The following CLSTN1 variants were observed in gnomAD, a reference collection of about 807,000 sequenced individuals.
The protein encoded by CLSTN1 is calsyntenin 1.
In CLSTN1, 28 loss-of-function variants were observed where a neutral mutation model predicts 108.3. That is an observed-to-expected ratio of 0.26 (90% confidence interval 0.19 to 0.35). CLSTN1 has a LOEUF of 0.35. CLSTN1 is among the 10% of genes least tolerant of loss of function. CLSTN1 has a pLI of 1.00. For missense variants in CLSTN1, 1,157 were observed against 1,302.6 expected (o/e 0.89, Z 1.72); for synonymous variants, 524 against 534.9 (o/e 0.98, Z 0.28).
chr1:9,790,216 G>T (rs920508109), intron 1 of CLSTN1, among the ~76,000 whole-genome samples: 4 of 151,298 alleles, frequency 2.6e-5, no homozygotes, highest in African/African-American at 9.7e-5. Flanking sequence ...GTAATGCTTA[G>T]GGGTTTCCAC....
At chr1:9,746,669 G>C (rs1651281884) in intron 7 of CLSTN1, among the ~76,000 whole-genome samples, 1 of 151,732 alleles carries the variant, frequency 6.6e-6, no homozygotes, top group African/African-American at 2.4e-5. Flanking sequence ...AGCCAAGATA[G>C]CACGATTGCA....
At position 9,796,272 on chromosome 1, in the gene CLSTN1, AAAAAACAAAAAACAAAAC is replaced by A. The variant is rs1400068563; in HGVS notation, c.92-22896_92-22879del. Among the ~76,000 whole-genome samples the A allele has an allele frequency of 2.3e-3, 334 of 143,380 alleles. 2 individuals carry two copies. Among genetic ancestry groups the A allele is most frequent in the African/African-American group, 9.1e-3 (315 of 34,668 alleles). 94.1% of individuals were successfully genotyped at this position (143,380 alleles called of 152,430 possible). A position where few individuals can be genotyped will look rare whatever the true frequency, so the allele number is the denominator to read the frequency against. ...GCAAGACTGTCTCCAAAAACAAAAA[AAAAAACAAAAAACAAAAC>A]AAAACAAAAAAAAAAAAACAGGCAT... On this transcript the variant is annotated intron_variant, in intron 1 of 18. Coordinates refer to ENST00000377298, the MANE Select transcript of CLSTN1 (RefSeq NM_001009566.3).
chr1:9,778,223 A>ACACAC (rs1653049519), intron 1 of CLSTN1, among the ~76,000 whole-genome samples: 5 of 134,430 alleles, frequency 3.7e-5, no homozygotes, highest in South Asian at 2.5e-4. Flanking sequence ...TCTCCTCCCC[A>ACACAC]ACACACACAC....
At chr1:9,744,835 C>T (rs1038822197) in intron 7 of CLSTN1, among the ~76,000 whole-genome samples, 192 bp from the exon 8 acceptor site, 15 of 151,580 alleles carry the variant, frequency 9.9e-5, no homozygotes, top group African/African-American at 3.1e-4. Context: ...TTCATTGCAA[C>T]CTCCACCTCC....
chr1:9,783,490 C>CGGGTG (rs1244592120), intron 1 of CLSTN1, among the ~76,000 whole-genome samples: 1 of 151,748 alleles, frequency 6.6e-6, no homozygotes, highest in Non-Finnish European at 1.5e-5. Flanking sequence ...GAGGCCAAGG[C>CGGGTG]GGGTGGATCA....
intron 9 of CLSTN1, 96 bp from the exon 10 acceptor site, chr1:9,741,352 T>A: frequency 8.1e-7 from 1 of 1,228,236 alleles, no homozygotes; most frequent in Non-Finnish European, 1.1e-6. Flanking sequence ...AGGGTCTTCC[T>A]AGGAGGAAAA....
chr1:9,736,058 G>C lies in CLSTN1; in HGVS notation c.1577-16C>G. ...AGGTCGCCACCTTTGGGTCAGGGGAGAAAAGGCGAAGTCAGGCGTGCAACC... is the reference window on the plus strand; with the variant it reads ...AGGTCGCCACCTTTGGGTCAGGGGACAAAAGGCGAAGTCAGGCGTGCAACC... On this transcript the variant is annotated splice_polypyrimidine_tract_variant and intron_variant, in intron 11 of 18. Transcript: ENST00000377298. 4 of 1,614,096 alleles carry C rather than the reference G, an allele frequency of 2.5e-6. No individual in the cohort carries two copies. Among genetic ancestry groups the C allele is most frequent in the Non-Finnish European group, 3.4e-6 (4 of 1,180,032 alleles).
At chr1:9,791,837 A>T (rs1167069938) in intron 1 of CLSTN1, among the ~76,000 whole-genome samples, 1 of 151,128 alleles carries the variant, frequency 6.6e-6, no homozygotes, top group Non-Finnish European at 1.5e-5. Flanking sequence ...TGCGGCCCCA[A>T]ATCCTTTTTA....
chr1:9,745,830 G>A (rs1442274531), intron 7 of CLSTN1, among the ~76,000 whole-genome samples: 1 of 137,630 alleles, frequency 7.3e-6, no homozygotes, highest in Admixed American at 7.9e-5. Context: ...GTGCAGTGGT[G>A]CAGCGTTGGT....
chr1:9,786,668 A>AAAG (rs928198977), intron 1 of CLSTN1, among the ~76,000 whole-genome samples: 4 of 150,132 alleles, frequency 2.7e-5, no homozygotes, highest in Non-Finnish European at 5.9e-5. Context: ...AAAAAAAAAA[A>AAAG]AAAAACAAAG....
At chr1:9,761,478 G>C (rs923468658) in intron 2 of CLSTN1, among the ~76,000 whole-genome samples, 1 of 151,988 alleles carries the variant, frequency 6.6e-6, no homozygotes, top group East Asian at 1.9e-4. Flanking sequence ...CTGTACTCTG[G>C]GCGACGGAGT....
At position 9,743,984 on chromosome 1, in the gene CLSTN1, G is replaced by T. The variant is rs1651119932; in HGVS notation, c.1256C>A (p.Ser419Tyr). 2 of 1,614,174 alleles carry T rather than the reference G, an allele frequency of 1.2e-6. No homozygotes were observed. The highest frequency in any genetic ancestry group is 1.7e-6 in the Non-Finnish European group (2 of 1,180,012). The change falls in exon 9 of 19, where the codon TCC becomes TAC. Residue 419 changes from serine to tyrosine, a missense_variant. Transcript: ENST00000377298. ...DKTDMNRHHYSLYVHGCRLIF... is the reference protein window; with the variant it reads ...DKTDMNRHHYYLYVHGCRLIF... ...CAGCCGGCACCCGTGGACATAGAGG[G>T]AGTAGTGGTGCCGATTCATATCTGC...
At chr1:9,765,645 T>C (rs1417481264) in intron 2 of CLSTN1, among the ~76,000 whole-genome samples, 1 of 151,764 alleles carries the variant, frequency 6.6e-6, no homozygotes, top group Non-Finnish European at 1.5e-5. Context: ...TCTGGGAGAC[T>C]GAGGCAGGTG....
Position 9,823,678 on chromosome 1 carries a change from C to A in CLSTN1, c.56G>T (p.Gly19Val). 6 of 1,172,372 alleles carry A rather than the reference C, an allele frequency of 5.1e-6. No homozygotes were observed. Among genetic ancestry groups the A allele is most frequent in the Non-Finnish European group, 6.3e-6 (6 of 948,846 alleles). 72.6% of individuals were successfully genotyped at this position (1,172,372 alleles called of 1,614,324 possible). A position where few individuals can be genotyped will look rare whatever the true frequency, so the allele number is the denominator to read the frequency against. Residue 19 changes from glycine to valine, a missense_variant, in exon 1 of 19, where the codon GGG (glycine) becomes GTG (valine). Transcript: ENST00000377298. The surrounding 1 kb of genome is among the most constrained non-coding windows in gnomAD (Gnocchi z 6.3). ...LAPAARLLLA[G>V]LLCGGGVWAA... ...CCAGACCCCGCCGCCGCACAGCAGC[C>A]CGGCCAGCAGCAGCCGGGCGGCCGG...
intron 1 of CLSTN1, among the ~76,000 whole-genome samples, chr1:9,790,929 C>T (rs1429034711): frequency 6.6e-6 from 1 of 150,882 alleles, no homozygotes; most frequent in Non-Finnish European, 1.5e-5. Flanking sequence ...GTCAGGAGAT[C>T]GAGATCATCC....
intron 2 of CLSTN1, among the ~76,000 whole-genome samples, chr1:9,763,288 T>G (rs1652173378): frequency 6.6e-6 from 1 of 152,058 alleles, no homozygotes; most frequent in Admixed American, 6.6e-5. Context: ...TATGTAACAA[T>G]AACCACAGAC....
At chr1:9,753,711 G>C (rs1651671522) in intron 4 of CLSTN1, among the ~76,000 whole-genome samples, 2 of 152,008 alleles carry the variant, frequency 1.3e-5, no homozygotes, top group African/African-American at 4.8e-5. Context: ...GGCTGGTCAT[G>C]AACTCCTGAC....
intron 1 of CLSTN1, among the ~76,000 whole-genome samples, chr1:9,787,809 C>G (rs900188856): frequency 4.0e-5 from 6 of 151,372 alleles, no homozygotes; most frequent in African/African-American, 1.4e-4. Context: ...TACATTCACA[C>G]TGTCATCCAA....
chr1:9,816,716 G>A (rs574619212), intron 1 of CLSTN1, among the ~76,000 whole-genome samples: 1 of 151,944 alleles, frequency 6.6e-6, no homozygotes, highest in Non-Finnish European at 1.5e-5. Context: ...GTGTGATCTC[G>A]ACTCACTGCA....
Sources: allele counts gnomAD v4.1 joint callset (sites outside exome capture counted in the v4.1 genomes callset), GRCh38; gene constraint gnomAD v4.1.1; non-coding constraint Gnocchi (gnomAD v3.1); transcripts MANE v1.5; gene names NCBI Gene and HGNC (gene_info 2026-07-23, HGNC 2026-07-21).